Variants in LIMCH1 observed in about 807,000 individuals in gnomAD.
LIMCH1 encodes LIM and calponin homology domains-containing protein 1.
Under a neutral mutation model 176.5 loss-of-function variants are expected in LIMCH1, and 113 were observed. The ratio of observed to expected loss-of-function variants is 0.64; its 90% CI spans 0.55 to 0.75. The LOEUF (loss-of-function observed/expected upper bound fraction) is 0.75, where lower values mean the gene tolerates loss of function less well. Among genes scored for constraint, LIMCH1 ranks in the 30% least tolerant of loss-of-function variants. LIMCH1 has a pLI of 0.00. For synonymous variants in LIMCH1, 619 were observed against 645.9 expected (o/e 0.96, Z 0.63); for missense variants, 1,674 against 1,814.9 (o/e 0.92, Z 1.41).
intron 1 of LIMCH1, among the ~76,000 whole-genome samples, chr4:41,582,455 T>G (rs2085663000): frequency 6.6e-6 from 1 of 152,218 alleles, no homozygotes; most frequent in African/African-American, 2.4e-5. Flanking sequence ...ATTTTCAGGC[T>G]AGTGAGGTTT....
rs57547885 is a variant in LIMCH1 at position 41,661,501 on chromosome 4, G to C, written c.3118G>C (p.Ala1040Pro). ...ATCAAGAAAAGGGAATATAGAACTTGCCTCATCAGGTTTGTTTCATAAGAG... is the reference window on the plus strand; with the variant it reads ...ATCAAGAAAAGGGAATATAGAACTTCCCTCATCAGGTTTGTTTCATAAGAG... ...GKSRKGNIELASSEPQHFTTT... is the reference protein window; with the variant it reads ...GKSRKGNIELPSSEPQHFTTT... Residue 1040 changes from alanine (A) to proline (P), a missense_variant, in exon 19 of 32, where the codon GCC becomes CCC. Physicochemically the swap from Ala to Pro is conservative, Grantham distance 27. Around this residue, in one of 3 missense-constraint regions of LIMCH1, gnomAD observed 1,015 missense variants for 1,102.5 expected, o/e 0.92. Coordinates refer to ENST00000503057, the MANE Select transcript of LIMCH1 (RefSeq NM_001330672.2). The C allele has an allele frequency of 1.1e-3, 1,786 of 1,606,054 alleles. 12 individuals are homozygous for C. The African/African-American group carries it at 0.021, about 19-fold the overall frequency.
intron 25 of LIMCH1, among the ~76,000 whole-genome samples, chr4:41,682,025 C>T (rs193214978): frequency 6.6e-5 from 10 of 152,228 alleles, no homozygotes; most frequent in Admixed American, 1.3e-4. Flanking sequence ...CCATAATCCA[C>T]GTAAAGGAAA....
At chr4:41,676,981 G>C (rs934279110) in intron 23 of LIMCH1, among the ~76,000 whole-genome samples, 1 of 151,752 alleles carries the variant, frequency 6.6e-6, no homozygotes, top group African/African-American at 2.4e-5. Context: ...TGGCCAACAT[G>C]ACGAAACCCC....
At chr4:41,558,204 T>A (rs556472032) in intron 1 of LIMCH1, among the ~76,000 whole-genome samples, 22 of 152,040 alleles carry the variant, frequency 1.4e-4, no homozygotes, top group Non-Finnish European at 2.2e-4. Flanking sequence ...TCTTGGACCA[T>A]TTCACTCTTC....
At position 41,393,173 on chromosome 4, in the gene LIMCH1, A is replaced by C. The variant is rs181367366; in HGVS notation, c.96+32237A>C. Among the ~76,000 whole-genome samples the C allele has an allele frequency of 1.2e-3, 186 of 152,320 alleles. No homozygotes were observed. In the Middle Eastern group the frequency reaches 0.027, roughly 22 times the overall value. On this transcript the variant is annotated intron_variant, in intron 1 of 26. Coordinates refer to the LIMCH1 transcript ENST00000313860. The stretch of plus-strand genomic sequence containing the variant: ...TGACTACAGAGCCCATTCATGATGA[A>C]GACATTGAGTGTTGCTAGGAAAGGT...
Position 41,680,008 on chromosome 4 carries a change from G to A in LIMCH1, c.3522G>A (p.Glu1174=), listed in dbSNP as rs1317602562. 1.2e-6 allele frequency: 2 copies of A among 1,606,606 alleles called. No individual in the cohort carries two copies. The highest frequency in any genetic ancestry group is 8.5e-7 in the Non-Finnish European group (1 of 1,175,834). The change falls in exon 24 of 32, where the codon GAG becomes GAA. Residue 1174 remains glutamate, a splice_region_variant and synonymous_variant. Coordinates refer to ENST00000503057, the MANE Select transcript of LIMCH1 (RefSeq NM_001330672.2). ...AATCTATGGAAATTCCATAACAGGA[G>A]AGATACCAGAAGGAGCAGGACAAGC... ...WQQEQERLLQ[E]RYQKEQDKLK...
chr4:41,566,752 C>G (rs1320084602), intron 1 of LIMCH1, among the ~76,000 whole-genome samples: 1 of 152,068 alleles, frequency 6.6e-6, no homozygotes, highest in African/African-American at 2.4e-5. Flanking sequence ...TCATCATACA[C>G]TTTATACAAT....
intron 12 of LIMCH1, 106 bp downstream of exon 12, chr4:41,633,191 T>C (rs927688062): frequency 5.2e-6 from 4 of 762,996 alleles, no homozygotes; most frequent in Non-Finnish European, 8.5e-6. Flanking sequence ...ACCTGGCGAC[T>C]GATAGAGCGT....
At position 41,632,777 on chromosome 4, in the gene LIMCH1, T is replaced by C. The variant is rs2093393310; in HGVS notation, c.1630T>C (p.Cys544Arg). 1 of 1,536,214 alleles carries C rather than the reference T, an allele frequency of 6.5e-7. No homozygotes were observed. The highest frequency in any genetic ancestry group is 2.0e-5 in the Admixed American group (1 of 50,988). ...AATGAATTGTGGCCGAGGTGACTAT[T>C]GCAGAAGGGCCTCGTGGCTGGCTCC... ...RTMNCGRGDYCRRASWLAPVP... is the reference protein window; with the variant it reads ...RTMNCGRGDYRRRASWLAPVP... Residue 544 changes from cysteine (C) to arginine (R), a missense_variant, in exon 11 of 32, where the codon TGC (cysteine) becomes CGC (arginine). Physicochemically the swap from Cys to Arg is radical, Grantham distance 180. This residue lies in a region of LIMCH1 where 655 missense variants were observed against 692.2 expected (regional missense o/e 0.95). Transcript: ENST00000503057.
chr4:41,601,270 A>C (rs950043574), intron 2 of LIMCH1, among the ~76,000 whole-genome samples: 5 of 152,254 alleles, frequency 3.3e-5, no homozygotes, highest in Non-Finnish European at 7.3e-5. Context: ...GTAAACAAAG[A>C]AGATCATTGC....
chr4:41,524,471 C>T (rs2076425446), exon 3 of LIMCH1: 1 of 1,612,034 alleles, frequency 6.2e-7, no homozygotes, highest in Non-Finnish European at 8.5e-7. Context: ...ACCCCCATTG[C>T]AGGACTGGTG....
chr4:41,501,956 G>C (rs1026172761), intron 2 of LIMCH1, among the ~76,000 whole-genome samples: 1 of 144,140 alleles, frequency 6.9e-6, no homozygotes, highest in African/African-American at 2.6e-5. Context: ...TGTTACATAG[G>C]TAAATGTGTG....
intron 14 of LIMCH1, among the ~76,000 whole-genome samples, chr4:41,640,803 A>G (rs1190087413): frequency 6.6e-6 from 1 of 152,208 alleles, no homozygotes; most frequent in Non-Finnish European, 1.5e-5. Flanking sequence ...CTTAAAATAG[A>G]GCCCAATCAA....
intron 1 of LIMCH1, among the ~76,000 whole-genome samples, chr4:41,366,168 T>C (rs2052941939): frequency 6.6e-6 from 1 of 152,206 alleles, no homozygotes; most frequent in Non-Finnish European, 1.5e-5. Context: ...TGATAAAAAT[T>C]ATGTTAATGA....
intron 1 of LIMCH1, among the ~76,000 whole-genome samples, chr4:41,375,773 G>A (rs958295056): frequency 2.0e-5 from 3 of 152,232 alleles, no homozygotes; most frequent in African/African-American, 4.8e-5. Flanking sequence ...TTGGCACAGC[G>A]CAGCTGGGTC....
chr4:41,443,622 G>A (rs1372402792), intron 1 of LIMCH1, among the ~76,000 whole-genome samples: 2 of 152,112 alleles, frequency 1.3e-5, no homozygotes, highest in South Asian at 2.1e-4. Context: ...TAGGAGAAAC[G>A]AAGATCTGTT....
chr4:41,489,850 CTT>C (rs2070422994), intron 1 of LIMCH1, among the ~76,000 whole-genome samples: 1 of 152,016 alleles, frequency 6.6e-6, no homozygotes, highest in African/African-American at 2.4e-5. Flanking sequence ...TCCACAAAAA[CTT>C]TACTAGCAGT....
intron 1 of LIMCH1, among the ~76,000 whole-genome samples, chr4:41,457,785 A>G (rs1396261399): frequency 6.6e-6 from 1 of 152,200 alleles, no homozygotes; most frequent in Non-Finnish European, 1.5e-5. Flanking sequence ...TCCATTCAGA[A>G]AACATTTGCA....
chr4:41,432,314 A>G (rs2061675936), intron 1 of LIMCH1, among the ~76,000 whole-genome samples: 1 of 152,208 alleles, frequency 6.6e-6, no homozygotes, highest in South Asian at 2.1e-4. Flanking sequence ...ATGACTTTAA[A>G]ATATGAGTGT....
Sources: gnomAD v4.1 joint callset for allele counts (sites outside exome capture counted in the v4.1 genomes callset) on GRCh38, gnomAD v4.1.1 for gene constraint, gnomAD v4.1.1 regional missense constraint, MANE v1.5 for transcripts, NCBI Gene and HGNC (gene_info 2026-07-23, HGNC 2026-07-21) for gene names.